The following VPS13A variants were observed in gnomAD, a reference collection of about 807,000 sequenced individuals.
The protein encoded by VPS13A is vacuolar protein sorting 13 homolog A, also known as intermembrane lipid transfer protein VPS13A.
In VPS13A, 264 loss-of-function variants were observed where a neutral mutation model predicts 390.9. That is an observed-to-expected ratio of 0.68 (90% CI 0.61 to 0.75). The LOEUF is 0.75. Ranked by LOEUF, VPS13A falls within the 30% of genes least tolerant of loss-of-function variation. The pLI is 0.00. For synonymous variants in VPS13A, 1,231 were observed against 1,227.1 expected (o/e 1.00, Z -0.07); for missense variants, 3,409 against 3,733.9 (o/e 0.91, Z 2.27).
intron 68 of VPS13A, among the ~76,000 whole-genome samples, chr9:77,391,322 A>G (rs1208210403): frequency 6.6e-6 from 1 of 152,230 alleles, no homozygotes; most frequent in African/African-American, 2.4e-5. Context: ...AGTATACATT[A>G]TGAAAAGTCT....
rs148754839 is a variant in VPS13A, at chr9:77,273,348, A to T, written c.2496A>T (p.Pro832=). 35 of 1,610,226 alleles carry T rather than the reference A, an allele frequency of 2.2e-5. No individual in the cohort carries two copies. Among genetic ancestry groups the T allele is most frequent in the African/African-American group, 2.0e-4 (15 of 74,972 alleles). Residue 832 remains proline (P), a synonymous_variant, in exon 24 of 72, where the codon CCA becomes CCT. Coordinates refer to ENST00000360280, the MANE Select transcript of VPS13A (RefSeq NM_033305.3). ...AAATAATTCCTCTCTTGGAACTTCC[A>T]TCTGTTTCTGAAGATGGTAAAATGA... ...SQKIIPLLEL[P]SVSEDDSEEE...
chr9:77,229,212 G>A lies in VPS13A; in HGVS notation c.1595+948G>A, dbSNP rs150346100. On this transcript the variant is annotated intron_variant, in intron 17 of 71. Transcript: ENST00000360280. ...TCCAGCTTCAGCCTCCTGAGTAGCC[G>A]TGACTACAGGCGCGAGCCACCAACA... Among the ~76,000 whole-genome samples the A allele has an allele frequency of 6.3e-3, 964 of 152,028 alleles. 12 individuals carry two copies. In the Middle Eastern group the frequency reaches 0.065, roughly 10 times the overall value.
intron 1 of VPS13A, among the ~76,000 whole-genome samples, chr9:77,180,925 C>T (rs961881011): frequency 1.3e-5 from 2 of 152,160 alleles, no homozygotes; most frequent in African/African-American, 4.8e-5. Context: ...GTGCTCATTC[C>T]TGTAATCCCA....
intron 67 of VPS13A, among the ~76,000 whole-genome samples, chr9:77,380,261 T>A (rs375128277): frequency 6.6e-6 from 1 of 152,112 alleles, no homozygotes; most frequent in East Asian, 1.9e-4. Flanking sequence ...CTCCTGTGGA[T>A]AGTATATTGT....
chr9:77,333,911 A>G (rs910896826), intron 46 of VPS13A, among the ~76,000 whole-genome samples: 1 of 152,210 alleles, frequency 6.6e-6, no homozygotes, highest in Non-Finnish European at 1.5e-5. Flanking sequence ...ACCAAGATGA[A>G]TTGCATGTGG....
rs1828483105 is a variant in VPS13A at position 77,303,193 on chromosome 9, A to G, written c.3960+131A>G. On this transcript the variant is annotated intron_variant, in intron 34 of 71. Transcript: ENST00000360280. ...TGGTCAGAATTGAAATAGTGATTATATTAAACTAGAATTCATTTTAAAATG... is the reference window on the plus strand; with the variant it reads ...TGGTCAGAATTGAAATAGTGATTATGTTAAACTAGAATTCATTTTAAAATG... 13 of 919,172 alleles carry G rather than the reference A, an allele frequency of 1.4e-5. No homozygotes were observed. The East Asian group carries it at 3.3e-4, about 23-fold the overall frequency. 56.9% of individuals were successfully genotyped at this position (919,172 alleles called of 1,614,324 possible). A position where few individuals can be genotyped will look rare whatever the true frequency, so the allele number is the denominator to read the frequency against.
intron 69 of VPS13A, 101 bp downstream of exon 69, chr9:77,403,422 A>T: frequency 1.0e-6 from 1 of 983,508 alleles, no homozygotes; most frequent in South Asian, 1.3e-5. Context: ...ATATAGTCAC[A>T]CTGATTCTTG....
intron 19 of VPS13A, among the ~76,000 whole-genome samples, chr9:77,245,726 A>G (rs1490416618): frequency 6.6e-6 from 1 of 152,188 alleles, no homozygotes; most frequent in Non-Finnish European, 1.5e-5. Context: ...AGTTTTGATA[A>G]CAGTTTCTCA....
intron 1 of VPS13A, among the ~76,000 whole-genome samples, chr9:77,198,680 T>G (rs138602668): frequency 0.012 from 1,821 of 152,284 alleles, 49 homozygotes; most frequent in African/African-American, 0.041. Context: ...TTTATTTATT[T>G]TGAGATGGAG....
intron 68 of VPS13A, chr9:77,390,055 GACT>G: frequency 1.0e-6 from 1 of 985,312 alleles, no homozygotes; most frequent in Non-Finnish European, 1.2e-6. Context: ...GGAGGAGAAT[GACT>G]ACTAATCTGG....
At chr9:77,269,927 G>A (rs985279910) in intron 23 of VPS13A, among the ~76,000 whole-genome samples, 2 of 152,132 alleles carry the variant, frequency 1.3e-5, no homozygotes, top group Non-Finnish European at 2.9e-5. Context: ...AGGAAATTTG[G>A]TCTCACAGAG....
intron 33 of VPS13A, among the ~76,000 whole-genome samples, 168 bp from the exon 34 acceptor site, chr9:77,302,742 CACTCA>C (rs1247403223): frequency 2.6e-5 from 4 of 152,178 alleles, no homozygotes; most frequent in African/African-American, 7.2e-5. Context: ...GATAGAACAT[CACTCA>C]ACTCATTTTG....
chr9:77,366,987 A>C (rs1393871672), intron 61 of VPS13A, 115 bp downstream of exon 61: 2 of 1,051,064 alleles, frequency 1.9e-6, no homozygotes, highest in Admixed American at 2.6e-5. Flanking sequence ...AGGCAAAATG[A>C]GGTTTTTGCA....
At chr9:77,412,149 G>A (rs1407177817) in intron 71 of VPS13A, among the ~76,000 whole-genome samples, 2 of 152,076 alleles carry the variant, frequency 1.3e-5, no homozygotes, top group African/African-American at 2.4e-5. Context: ...ATTCACAGCC[G>A]AATTCTACCA....
intron 23 of VPS13A, among the ~76,000 whole-genome samples, chr9:77,264,163 T>G (rs914448725): frequency 6.6e-5 from 10 of 152,220 alleles, no homozygotes; most frequent in African/African-American, 2.4e-4. Flanking sequence ...ATCTCTGTTT[T>G]GGTACCAGTA....
chr9:77,353,765 G>A (rs1831607833), intron 54 of VPS13A, 124 bp downstream of exon 54: 3 of 947,482 alleles, frequency 3.2e-6, no homozygotes, highest in Non-Finnish European at 4.8e-6. Context: ...TGATACTGTG[G>A]TAGTGCTAGT....
At chr9:77,261,576 CAAA>C (rs201037030) in intron 23 of VPS13A, among the ~76,000 whole-genome samples, 8 of 141,876 alleles carry the variant, frequency 5.6e-5, no homozygotes. Flanking sequence ...ATTATTTTGC[CAAA>C]AAAAAAAAAA....
chr9:77,367,252 G>A lies in VPS13A; in HGVS notation c.8471+380G>A, dbSNP rs544037321. Among the ~76,000 whole-genome samples the A allele has an allele frequency of 1.1e-4, 16 of 152,232 alleles. No homozygotes were observed. In the East Asian group the frequency reaches 1.4e-3, roughly 13 times the overall value. On this transcript the variant is annotated intron_variant, in intron 61 of 71. Coordinates refer to ENST00000360280, the MANE Select transcript of VPS13A (RefSeq NM_033305.3). ...TTTGCAACTAGAACAGAATGAATGC[G>A]ATAATAGGGGAAATGAAAGGATCAA...
chr9:77,252,416 C>A, intron 22 of VPS13A, 64 bp downstream of exon 22: 1 of 1,270,040 alleles, frequency 7.9e-7, no homozygotes, highest in Non-Finnish European at 1.2e-6. Context: ...AGGGAAATAC[C>A]ATACTTAACT....
Sources: gnomAD v4.1 joint callset for allele counts (sites outside exome capture counted in the v4.1 genomes callset) on GRCh38, gnomAD v4.1.1 for gene constraint, MANE v1.5 for transcripts, NCBI Gene and HGNC (gene_info 2026-07-23, HGNC 2026-07-21) for gene names.